Variants in TENM1 observed in about 807,000 individuals in gnomAD.
TENM1 encodes teneurin transmembrane protein 1, also known as teneurin-1.
In TENM1, 35 loss-of-function variants were observed where a neutral mutation model predicts 174.8. That is an observed-to-expected ratio of 0.20 (90% confidence interval 0.15 to 0.27). The LOEUF (loss-of-function observed/expected upper bound fraction) is 0.27. Ranked by LOEUF, TENM1 falls within the 10% of genes least tolerant of loss-of-function variation. The probability of loss-of-function intolerance (pLI) is 1.00; values close to 1 mark genes in which losing one functional copy is unlikely to be tolerated. For missense variants in TENM1, 1,633 were observed against 2,130.1 expected, an observed-to-expected ratio of 0.77 and a Z score of 4.59; for synonymous variants, 781 against 798.7, an observed-to-expected ratio of 0.98 and a Z score of 0.37.
rs147605207 is a variant in TENM1, at chrX:124,648,554, T to C, written c.1580-1744A>G. On this transcript the variant is annotated intron_variant, in intron 8 of 31. Coordinates refer to ENST00000422452, the Ensembl canonical transcript of TENM1. ...TATTTTTAACTCATTAAAACACTAG[T>C]TATCATCAGAAAATCACTAATTTAC... Among the ~76,000 whole-genome samples, 86 of 112,392 alleles carry C rather than the reference T, an allele frequency of 7.7e-4. 1 individual carries two copies. The highest frequency in any genetic ancestry group is 2.6e-3 in the African/African-American group (82 of 30,966).
intron 27 of TENM1, among the ~76,000 whole-genome samples, chrX:124,402,906 A>G (rs531194656): frequency 4.5e-5 from 5 of 111,260 alleles, no homozygotes; most frequent in African/African-American, 1.6e-4. Context: ...TTTGTAAAAT[A>G]GGGTATCAAG....
the TENM1 span, among the ~76,000 whole-genome samples, chrX:125,062,908 G>T: frequency 1.8e-5 from 2 of 112,014 alleles, no homozygotes; most frequent in Non-Finnish European, 3.8e-5. Flanking sequence ...ATTCAGCAAG[G>T]CATTTTGCAA....
chrX:124,699,548 G>GA lies in TENM1; in HGVS notation c.1015+5464dup, dbSNP rs370576128. Among the ~76,000 whole-genome samples the GA allele has an allele frequency of 1.6e-3, 169 of 108,909 alleles. 2 individuals carry two copies. The highest frequency in any genetic ancestry group is 4.0e-3 in the African/African-American group (121 of 30,137). 94.6% of individuals were successfully genotyped at this position (108,909 alleles called of 115,157 possible). On this transcript the variant is annotated intron_variant, in intron 5 of 31. Transcript: ENST00000422452. ...TCTTAAATACATTCTGGAGTTCTAAGAAAAAAAAATAAGTGCAGTATTTGC... is the reference window on the plus strand; with the variant it reads ...TCTTAAATACATTCTGGAGTTCTAAGAAAAAAAAAATAAGTGCAGTATTTGC...
chrX:124,382,128 C>T (rs1209489217), intron 31 of TENM1, among the ~76,000 whole-genome samples: 1 of 111,403 alleles, frequency 9.0e-6, no homozygotes, highest in Non-Finnish European at 1.9e-5. Flanking sequence ...TCATTTGTAC[C>T]TCATACTTCT....
At chrX:124,853,118 C>A (rs941157818) in intron 3 of TENM1, among the ~76,000 whole-genome samples, 3 of 111,488 alleles carry the variant, frequency 2.7e-5, no homozygotes, top group African/African-American at 9.8e-5. Context: ...AGTTTATATT[C>A]TATTGGAGAA....
At chrX:124,730,977 T>G (rs747976232) in intron 4 of TENM1, among the ~76,000 whole-genome samples, 1 of 111,615 alleles carries the variant, frequency 9.0e-6, no homozygotes, top group Non-Finnish European at 1.9e-5. Context: ...ATATTTTATT[T>G]TTTTTAACCT....
At chrX:124,947,509 T>C (rs1054675663) in intron 1 of TENM1, among the ~76,000 whole-genome samples, 2 of 112,125 alleles carry the variant, frequency 1.8e-5, no homozygotes, top group African/African-American at 6.5e-5. Flanking sequence ...GAAATGTGGC[T>C]AAATATTACA....
rs145815848 is a variant in TENM1 at position 124,865,552 on chromosome X, T to C, written c.535+28744A>G. 3.2e-3 allele frequency among the ~76,000 whole-genome samples: 356 copies of C among 111,698 alleles called. 1 individual carries two copies. Among genetic ancestry groups the C allele is most frequent in the African/African-American group, 0.011 (332 of 30,869 alleles). The stretch of plus-strand genomic sequence containing the variant: ...AAATGAAAAGCAAGATAGTAACTCA[T>C]ATCACCAGAGAATATCATCTTCACT... On this transcript the variant is annotated intron_variant, in intron 3 of 31. Transcript: ENST00000422452.
the TENM1 span, among the ~76,000 whole-genome samples, chrX:124,970,442 A>G: frequency 1.8e-5 from 2 of 112,079 alleles, no homozygotes; most frequent in South Asian, 7.5e-4. Context: ...TTATTACAAT[A>G]ATTTTTCCTT....
chrX:124,810,820 A>G (rs1247114386), intron 3 of TENM1, among the ~76,000 whole-genome samples: 2 of 111,704 alleles, frequency 1.8e-5, no homozygotes, highest in African/African-American at 3.3e-5. Flanking sequence ...AGTAACCAAA[A>G]CAGCTCAGCA....
At chrX:124,859,681 G>A (rs2056878547) in intron 3 of TENM1, among the ~76,000 whole-genome samples, 1 of 111,699 alleles carries the variant, frequency 9.0e-6, no homozygotes, top group Non-Finnish European at 1.9e-5. Context: ...AGTAATTTAA[G>A]TCATATTCAT....
chrX:124,472,811 T>A lies in TENM1; in HGVS notation c.3949+8921A>T, dbSNP rs141057535. On this transcript the variant is annotated intron_variant, in intron 22 of 31. Transcript: ENST00000422452. ...TTCAAAAATCAGCAAAGCATGCTAG[T>A]CTCACCAGGAAATGACTTCCCAATT... Among the ~76,000 whole-genome samples, 477 of 111,221 alleles carry A rather than the reference T, an allele frequency of 4.3e-3. 2 individuals are homozygous for A. Among genetic ancestry groups the A allele is most frequent in the African/African-American group, 0.015 (445 of 30,561 alleles).
intron 23 of TENM1, among the ~76,000 whole-genome samples, chrX:124,443,869 A>C (rs921924222): frequency 4.5e-5 from 5 of 112,018 alleles, no homozygotes; most frequent in Admixed American, 1.9e-4. Context: ...ACTTGTTTTG[A>C]CTGTGACACT....
chrX:124,835,581 T>G (rs1371402208), intron 3 of TENM1, among the ~76,000 whole-genome samples: 2 of 111,800 alleles, frequency 1.8e-5, no homozygotes, highest in Non-Finnish European at 3.8e-5. Flanking sequence ...CAACGTTAGG[T>G]TCTAGCTTTT....
chrX:124,506,531 T>C (rs182294551), intron 18 of TENM1, among the ~76,000 whole-genome samples: 2 of 112,107 alleles, frequency 1.8e-5, no homozygotes, highest in African/African-American at 6.5e-5. Context: ...CTAATTTTTA[T>C]TAGATTTACT....
chrX:124,457,984 G>C (rs2061128524), intron 22 of TENM1, among the ~76,000 whole-genome samples: 1 of 111,925 alleles, frequency 8.9e-6, no homozygotes, highest in Non-Finnish European at 1.9e-5. Flanking sequence ...GCCACAATCT[G>C]CTGTTTAATT....
chrX:124,389,298 G>A (rs6649213), intron 28 of TENM1, among the ~76,000 whole-genome samples: 27,815 of 111,542 alleles, frequency 0.25, 2,545 homozygotes, highest in East Asian at 0.31. Context: ...ACACAGGTAT[G>A]GCAAGCGAAT....
chrX:124,872,801 G>A (rs1249254666), intron 3 of TENM1, among the ~76,000 whole-genome samples: 1 of 111,477 alleles, frequency 9.0e-6, no homozygotes, highest in Admixed American at 9.5e-5. Flanking sequence ...TGCTTCCTCT[G>A]TAAGACAGAA....
intron 11 of TENM1, among the ~76,000 whole-genome samples, chrX:124,590,333 A>G (rs911970542): frequency 4.5e-5 from 5 of 110,157 alleles, no homozygotes; most frequent in Non-Finnish European, 9.5e-5. Context: ...TTATACACCA[A>G]CAACATACAA....
Sources: allele counts gnomAD v4.1 joint callset (sites outside exome capture counted in the v4.1 genomes callset), GRCh38; gene constraint gnomAD v4.1.1; transcripts MANE v1.5; gene names NCBI Gene and HGNC (gene_info 2026-07-23, HGNC 2026-07-21).